The following DOK6 variants were observed in gnomAD, a reference collection of about 807,000 sequenced individuals.
DOK6 encodes downstream of tyrosine kinase 6.
In DOK6, 22 loss-of-function variants were observed where a neutral mutation model predicts 44.0. The observed-to-expected ratio is 0.50, with a 90% CI of 0.36 to 0.71. The LOEUF (loss-of-function observed/expected upper bound fraction) is 0.71, where lower values mean the gene tolerates loss of function less well. DOK6 is among the 30% of genes least tolerant of loss of function. The pLI is 0.00. For synonymous variants in DOK6, 166 were observed against 145.5 expected (o/e 1.14, Z -1.01); for missense variants, 340 against 416.4 (o/e 0.82, Z 1.60).
chr18:69,774,968 T>C (rs2144769603), intron 7 of DOK6, among the ~76,000 whole-genome samples: 1 of 151,850 alleles, frequency 6.6e-6, no homozygotes, highest in South Asian at 2.1e-4. Context: ...ATCAGAGAGA[T>C]AAGACAGATA....
At chr18:69,521,111 C>A (rs1981672720) in intron 1 of DOK6, among the ~76,000 whole-genome samples, 2 of 151,834 alleles carry the variant, frequency 1.3e-5, no homozygotes, top group Admixed American at 1.3e-4. Context: ...ACTGTAGTTG[C>A]AAACTCATTT....
intron 7 of DOK6, among the ~76,000 whole-genome samples, chr18:69,759,397 TATAAA>T (rs1393235299): frequency 1.3e-5 from 2 of 152,150 alleles, no homozygotes; most frequent in African/African-American, 4.8e-5. Context: ...GAAAACAAAC[TATAAA>T]ATGTTTAAAT....
intron 7 of DOK6, among the ~76,000 whole-genome samples, chr18:69,780,939 A>G (rs189797977): frequency 6.6e-6 from 1 of 152,136 alleles, no homozygotes; most frequent in African/African-American, 2.4e-5. Flanking sequence ...CATGTGTAGT[A>G]GCTATGGGAT....
chr18:69,719,857 G>C (rs372381905), intron 5 of DOK6, among the ~76,000 whole-genome samples: 2 of 152,130 alleles, frequency 1.3e-5, no homozygotes, highest in African/African-American at 4.8e-5. Context: ...GTACCTGAAA[G>C]TCCCAGGCCC....
rs9961254 is a variant in DOK6 at position 69,591,140 on chromosome 18, T to C, written c.175-8244T>C. Among the ~76,000 whole-genome samples, 1,316 of 152,270 alleles carry C rather than the reference T, an allele frequency of 8.6e-3. 21 individuals are homozygous for C. The highest frequency in any genetic ancestry group is 0.028 in the African/African-American group (1,180 of 41,586). ...AACACACAAATAAACATGCCAATTTTATTCTCATTTTACTTAAGAATCTCC... is the reference window on the plus strand; with the variant it reads ...AACACACAAATAAACATGCCAATTTCATTCTCATTTTACTTAAGAATCTCC... On this transcript the variant is annotated intron_variant, in intron 2 of 7. Transcript: ENST00000382713.
chr18:69,401,121 GGGCGGCGGCGCTGCTGCT>G lies in DOK6; in HGVS notation c.-114_-97del, dbSNP rs1485829239. On this transcript the variant is annotated 5_prime_UTR_variant, in exon 1 of 8. Transcript: ENST00000382713. The stretch of plus-strand genomic sequence containing the variant: ...CACCGGCGGGAGCTCGGGGAAGAGC[GGGCGGCGGCGCTGCTGCT>G]GGCGGCGGCCGGCTGGATGCGAGAC... 4 of 960,062 alleles carry G rather than the reference GGGCGGCGGCGCTGCTGCT, an allele frequency of 4.2e-6. No individual in the cohort carries two copies. The African/African-American group carries it at 5.2e-5, about 13-fold the overall frequency. 59.5% of individuals were successfully genotyped at this position (960,062 alleles called of 1,614,324 possible).
At chr18:69,811,576 AT>A (rs1981238089) in intron 7 of DOK6, among the ~76,000 whole-genome samples, 1 of 13,950 alleles carries the variant, frequency 7.2e-5, no homozygotes, top group African/African-American at 1.2e-4. Flanking sequence ...ATATATATAT[AT>A]CAAAACACTA....
chr18:69,758,215 G>A (rs189535393), intron 7 of DOK6, among the ~76,000 whole-genome samples: 9 of 152,178 alleles, frequency 5.9e-5, no homozygotes, highest in African/African-American at 1.7e-4. Context: ...TTCTTTTTTC[G>A]CATCTTTTTT....
chr18:69,566,119 A>G (rs1599196020), intron 2 of DOK6, among the ~76,000 whole-genome samples: 1 of 16,156 alleles, frequency 6.2e-5, no homozygotes, highest in Non-Finnish European at 1.7e-4. Context: ...CGGTTTATTT[A>G]TTTATTTATT....
chr18:69,607,491 C>T (rs985821307), intron 3 of DOK6, among the ~76,000 whole-genome samples: 1 of 137,278 alleles, frequency 7.3e-6, no homozygotes, highest in African/African-American at 2.7e-5. Flanking sequence ...TAGATCATTT[C>T]CTTGGATATA....
intron 7 of DOK6, among the ~76,000 whole-genome samples, chr18:69,764,716 G>A (rs1979665988): frequency 6.6e-6 from 1 of 152,130 alleles, no homozygotes; most frequent in Non-Finnish European, 1.5e-5. Flanking sequence ...TAATACATAT[G>A]ATAATCCCTT....
intron 2 of DOK6, among the ~76,000 whole-genome samples, chr18:69,581,755 T>C (rs1448345405): frequency 6.6e-6 from 1 of 152,096 alleles, no homozygotes; most frequent in Non-Finnish European, 1.5e-5. Flanking sequence ...GATAGGGAGG[T>C]ACATTTCTGG....
chr18:69,757,291 A>C (rs1224402410), intron 6 of DOK6, among the ~76,000 whole-genome samples: 2 of 152,224 alleles, frequency 1.3e-5, no homozygotes, highest in Non-Finnish European at 2.9e-5. Flanking sequence ...AATGGGTAAA[A>C]AAAAATAATA....
chr18:69,684,385 G>A (rs566945781), intron 4 of DOK6, among the ~76,000 whole-genome samples: 3 of 152,216 alleles, frequency 2.0e-5, no homozygotes, highest in African/African-American at 4.8e-5. Flanking sequence ...TAAAGGAGAT[G>A]TATATGTGAA....
At chr18:69,781,777 G>C (rs1240175561) in intron 7 of DOK6, among the ~76,000 whole-genome samples, 2 of 152,052 alleles carry the variant, frequency 1.3e-5, no homozygotes, top group Admixed American at 1.3e-4. Context: ...AAATTGTGAA[G>C]TTTTTCCTGT....
rs1426285933 is a variant in DOK6 at position 69,843,285 on chromosome 18, AG to A, written c.*1903del. ...AGATGACTGGTTCCTACAACTGTAC[AG>A]CCTTCCTTGAAATCATAGCTTTTGG... is the stretch of plus-strand genomic sequence containing the variant. On this transcript the variant is annotated 3_prime_UTR_variant, in exon 8 of 8. Coordinates refer to ENST00000382713, the MANE Select transcript of DOK6 (RefSeq NM_152721.6). The A allele has an allele frequency of 1.3e-5, 2 of 152,260 alleles. No individual in the cohort carries two copies. Among genetic ancestry groups the A allele is most frequent in the African/African-American group, 4.8e-5 (2 of 41,466 alleles). The allele number at this position is 152,260 out of a possible 1,614,324, so 9.4% of individuals were successfully genotyped here.
chr18:69,749,721 A>G (rs1979106947), intron 6 of DOK6, among the ~76,000 whole-genome samples: 1 of 152,078 alleles, frequency 6.6e-6, no homozygotes, highest in Admixed American at 6.6e-5. Context: ...CAGGTAGATC[A>G]TGAGGTCAAG....
At chr18:69,757,130 C>T (rs1979379955) in intron 6 of DOK6, among the ~76,000 whole-genome samples, 3 of 152,172 alleles carry the variant, frequency 2.0e-5, no homozygotes, top group Admixed American at 1.3e-4. Flanking sequence ...AATAAACAAA[C>T]ATGCCACAGT....
At chr18:69,584,299 T>C (rs1983446393) in intron 2 of DOK6, among the ~76,000 whole-genome samples, 1 of 152,110 alleles carries the variant, frequency 6.6e-6, no homozygotes, top group Non-Finnish European at 1.5e-5. Context: ...TGTTGTTTTT[T>C]CGTATGAGAT....
Sources: gnomAD v4.1 joint callset for allele counts (sites outside exome capture counted in the v4.1 genomes callset) on GRCh38, gnomAD v4.1.1 for gene constraint, MANE v1.5 for transcripts, NCBI Gene and HGNC (gene_info 2026-07-23, HGNC 2026-07-21) for gene names.